PCBP3: variants seen among roughly 807,000 people sequenced by gnomAD.
The protein encoded by PCBP3 is poly(rC) binding protein 3.
A neutral mutation model predicts 52.7 loss-of-function variants in PCBP3; 25 were observed. The observed-to-expected ratio is 0.47, with a 90% confidence interval of 0.35 to 0.66. The LOEUF (loss-of-function observed/expected upper bound fraction) is 0.66. Ranked by LOEUF, PCBP3 falls within the 30% of genes least tolerant of loss-of-function variation. The probability of loss-of-function intolerance (pLI) is 0.01; values close to 1 mark genes in which losing one functional copy is unlikely to be tolerated. For synonymous variants in PCBP3, 162 were observed against 183.0 expected, an observed-to-expected ratio of 0.89 and a Z score of 0.93; for missense variants, 391 against 490.3, an observed-to-expected ratio of 0.80 and a Z score of 1.91.
At chr21:45,839,911 T>C (rs982073517) in intron 4 of PCBP3, among the ~76,000 whole-genome samples, 1 of 151,992 alleles carries the variant, frequency 6.6e-6, no homozygotes, top group Non-Finnish European at 1.5e-5. Flanking sequence ...GGTCTCAAAC[T>C]CCTGACCTCA....
At position 45,941,809 on chromosome 21, in the gene PCBP3, T is replaced by C; in HGVS notation, c.*103T>C. On this transcript the variant is annotated 3_prime_UTR_variant, in exon 18 of 18. Coordinates refer to ENST00000681687, the MANE Select transcript of PCBP3 (RefSeq NM_001384156.1). ...ACCTTCCCTGCCTCACAGATACCAA[T>C]AGAGAGGTTTTCTTAATTAACAAAA... 1 of 860,828 alleles carries C rather than the reference T, an allele frequency of 1.2e-6. No homozygotes were observed. Among genetic ancestry groups the C allele is most frequent in the South Asian group, 1.9e-5 (1 of 52,484 alleles). The allele number at this position is 860,828 out of a possible 1,614,324, so 53.3% of individuals were successfully genotyped here. A position where few individuals can be genotyped will look rare whatever the true frequency, so the allele number is the denominator to read the frequency against.
chr21:45,769,231 T>C (rs560685843), intron 4 of PCBP3, among the ~76,000 whole-genome samples: 1 of 152,356 alleles, frequency 6.6e-6, no homozygotes, highest in East Asian at 1.9e-4. Context: ...GGGTGGGTTT[T>C]CCCACAGTGC....
At chr21:45,705,880 C>T (rs144219443) in intron 2 of PCBP3, among the ~76,000 whole-genome samples, 1 of 152,308 alleles carries the variant, frequency 6.6e-6, no homozygotes, top group Non-Finnish European at 1.5e-5. Context: ...GGCCATGGTG[C>T]TCACTAATTC....
In PCBP3 at chr21:45,917,725, A is replaced by C. The variant is rs747816745; in HGVS notation, c.717+96A>C. On this transcript the variant is annotated intron_variant, in intron 13 of 17. Transcript: ENST00000681687. This position sits in a 1 kb window ranked among gnomAD's most constrained non-coding sequence, Gnocchi z 5.3. ...TAATTGCTACTAACATTAATATTAC[A>C]CAATAATATTAATCAACTTCTCAGC... 1 of 962,412 alleles carries C rather than the reference A, an allele frequency of 1.0e-6. No individual in the cohort carries two copies. The highest frequency in any genetic ancestry group is 1.7e-6 in the Non-Finnish European group (1 of 587,470). The allele number at this position is 962,412 out of a possible 1,614,324, so 59.6% of individuals were successfully genotyped here.
At chr21:45,654,294 C>G (rs1409226600) in intron 1 of PCBP3, among the ~76,000 whole-genome samples, 1 of 147,372 alleles carries the variant, frequency 6.8e-6, no homozygotes, top group Non-Finnish European at 1.5e-5. Context: ...AAAGGGCCCT[C>G]TTTAGAAATT....
At position 45,917,355 on chromosome 21, in the gene PCBP3, C is replaced by G; in HGVS notation, c.676-233C>G. On this transcript the variant is annotated intron_variant, in intron 12 of 17. Coordinates refer to ENST00000681687, the MANE Select transcript of PCBP3 (RefSeq NM_001384156.1). The surrounding 1 kb of genome is among the most constrained non-coding windows in gnomAD (Gnocchi z 5.3). ...TCAAGGCTGAACTGTTTCCCTCCCA[C>G]CCGCTGAACTGGCCAGCTCAGCTCT... is the stretch of plus-strand genomic sequence containing the variant. The G allele has an allele frequency of 2.7e-6, 1 of 371,196 alleles. No individual in the cohort carries two copies. Among genetic ancestry groups the G allele is most frequent in the East Asian group, 5.0e-5 (1 of 19,860 alleles). The allele number at this position is 371,196 out of a possible 1,614,324, so 23.0% of individuals were successfully genotyped here.
chr21:45,713,599 T>C (rs1372106555), intron 2 of PCBP3, among the ~76,000 whole-genome samples: 1 of 152,232 alleles, frequency 6.6e-6, no homozygotes, highest in African/African-American at 2.4e-5. Context: ...GACCCTCTTC[T>C]TGAGACAGTG....
intron 9 of PCBP3, 30 bp downstream of exon 9, chr21:45,901,143 C>G: frequency 6.7e-7 from 1 of 1,497,116 alleles, no homozygotes; most frequent in Non-Finnish European, 9.3e-7. Context: ...CCTCTGCCAG[C>G]CTGGCGGGGG....
chr21:45,843,980 C>A (rs997621932), intron 4 of PCBP3, among the ~76,000 whole-genome samples: 6 of 152,034 alleles, frequency 3.9e-5, no homozygotes, highest in Admixed American at 3.9e-4. Context: ...GTTGGCATCT[C>A]CCACCAGTTG....
At chr21:45,660,847 T>G (rs2080343009) in intron 1 of PCBP3, among the ~76,000 whole-genome samples, 1 of 152,140 alleles carries the variant, frequency 6.6e-6, no homozygotes, top group Non-Finnish European at 1.5e-5. Flanking sequence ...GAGACCAGCC[T>G]GGCCAACATG....
chr21:45,759,510 C>T (rs531092924), intron 4 of PCBP3, among the ~76,000 whole-genome samples: 115 of 152,300 alleles, frequency 7.6e-4, no homozygotes, highest in African/African-American at 2.6e-3. Context: ...GACGTTCTTA[C>T]TCTGTACTTC....
At chr21:45,834,915 G>A (rs563037878) in intron 4 of PCBP3, among the ~76,000 whole-genome samples, 13 of 152,334 alleles carry the variant, frequency 8.5e-5, no homozygotes, top group Non-Finnish European at 1.3e-4. Flanking sequence ...CAGGAATGGG[G>A]AGGCACCGTG....
At chr21:45,795,319 T>TC (rs1286484985) in intron 4 of PCBP3, among the ~76,000 whole-genome samples, 1 of 151,578 alleles carries the variant, frequency 6.6e-6, no homozygotes, top group East Asian at 1.9e-4. Context: ...CTTTTTCTTT[T>TC]TTTTTTTTTC....
At chr21:45,906,181 G>A (rs977683771) in intron 9 of PCBP3, among the ~76,000 whole-genome samples, 6 of 152,228 alleles carry the variant, frequency 3.9e-5, no homozygotes, top group Non-Finnish European at 7.3e-5. Flanking sequence ...GGCAGCCCTG[G>A]AGGGGCAGCG....
intron 13 of PCBP3, among the ~76,000 whole-genome samples, chr21:45,929,266 C>T (rs1255861086): frequency 1.3e-5 from 2 of 152,314 alleles, no homozygotes; most frequent in East Asian, 3.9e-4. Context: ...GGCGTCCCTC[C>T]CTCATGCCTT....
At chr21:45,812,926 T>A (rs182545838) in intron 4 of PCBP3, among the ~76,000 whole-genome samples, 61 of 152,304 alleles carry the variant, frequency 4.0e-4, no homozygotes, top group African/African-American at 1.5e-3. Flanking sequence ...GTGCAATGTA[T>A]TTTTTTCCTA....
intron 4 of PCBP3, among the ~76,000 whole-genome samples, chr21:45,825,060 G>A (rs1380258099): frequency 6.6e-6 from 1 of 152,226 alleles, no homozygotes; most frequent in African/African-American, 2.4e-5. Flanking sequence ...CCTGGTACCT[G>A]GCAGGGGGCC....
chr21:45,809,153 T>C (rs2092604694), intron 4 of PCBP3, among the ~76,000 whole-genome samples: 1 of 152,202 alleles, frequency 6.6e-6, no homozygotes, highest in African/African-American at 2.4e-5. Context: ...CAAACCTGCA[T>C]GTTCTGCACT....
At chr21:45,910,537 T>G (rs1012254222) in intron 10 of PCBP3, among the ~76,000 whole-genome samples, 9 of 152,290 alleles carry the variant, frequency 5.9e-5, no homozygotes, top group African/African-American at 2.2e-4. Context: ...AATCTTCATT[T>G]CCTTTCCCAT....
Sources: allele counts gnomAD v4.1 joint callset (sites outside exome capture counted in the v4.1 genomes callset), GRCh38; gene constraint gnomAD v4.1.1; non-coding constraint Gnocchi (gnomAD v3.1); transcripts MANE v1.5; gene names NCBI Gene and HGNC (gene_info 2026-07-23, HGNC 2026-07-21).